Variants in TAS1R1 observed in about 807,000 individuals in gnomAD.
The protein encoded by TAS1R1 is taste receptor type 1 member 1.
In TAS1R1, 31 loss-of-function variants were observed where a neutral mutation model predicts 45.8. The observed-to-expected ratio is 0.68, with a 90% CI of 0.51 to 0.91. The LOEUF is 0.91. TAS1R1 is among the 40% of genes least tolerant of loss of function. TAS1R1 has a pLI of 0.00. For missense variants in TAS1R1, 1,051 were observed against 1,063.9 expected, an observed-to-expected ratio of 0.99 and a Z score of 0.17; for synonymous variants, 437 against 448.4, an observed-to-expected ratio of 0.97 and a Z score of 0.32.
At chr1:6,559,050 C>T (rs1430924419) in intron 1 of TAS1R1, among the ~76,000 whole-genome samples, 2 of 152,124 alleles carry the variant, frequency 1.3e-5, no homozygotes, top group Non-Finnish European at 2.9e-5. Context: ...CGCCACCACG[C>T]CCAGCTAATT....
intron 1 of TAS1R1, 37 bp from the exon 2 acceptor site, chr1:6,570,858 CTCAGCAGGCCTTTG>C: frequency 6.6e-7 from 1 of 1,514,784 alleles, no homozygotes; most frequent in Non-Finnish European, 8.9e-7. Context: ...GCCAGAGGGT[CTCAGCAGGCCTTTG>C]TCCTTCTCAG....
rs928366854 is a variant in TAS1R1 at position 6,577,684 on chromosome 1, C to T, written c.1594+614C>T. 2.7e-5 allele frequency among the ~76,000 whole-genome samples: 4 copies of T among 146,466 alleles called. No homozygotes were observed. The East Asian group carries it at 6.2e-4, about 23-fold the overall frequency. On this transcript the variant is annotated intron_variant, in intron 5 of 5. Transcript: ENST00000333172. Reference sequence around the variant, plus strand: ...TACTAAAAATACAAAAAAAGTTAGCCGGGCGTTGTGGCGTGTGCCTGTAAT... The same window carrying T: ...TACTAAAAATACAAAAAAAGTTAGCTGGGCGTTGTGGCGTGTGCCTGTAAT...
chr1:6,566,643 C>T (rs1166416336), intron 1 of TAS1R1, among the ~76,000 whole-genome samples: 1 of 152,034 alleles, frequency 6.6e-6, no homozygotes, highest in Non-Finnish European at 1.5e-5. Flanking sequence ...TTGCCCAGGC[C>T]AGACTGCAGT....
rs141176994 is a variant in TAS1R1 at position 6,557,410 on chromosome 1, C to T, written c.191+1846C>T. 9.6e-3 allele frequency among the ~76,000 whole-genome samples: 1,460 copies of T among 152,214 alleles called. 19 individuals carry two copies. Among genetic ancestry groups the T allele is most frequent in the Middle Eastern group, 0.065 (19 of 294 alleles). On this transcript the variant is annotated intron_variant, in intron 1 of 5. Coordinates refer to ENST00000333172, the MANE Select transcript of TAS1R1 (RefSeq NM_138697.4). ...GGCTGGAAAATGGAACAGGCTAGCA[C>T]ACTTTATGTATTTGTTTGTTTATTT...
In TAS1R1 at chr1:6,572,404, C is replaced by T. The variant is rs181998513; in HGVS notation, c.498+1189C>T. 2.9e-3 allele frequency among the ~76,000 whole-genome samples: 448 copies of T among 151,944 alleles called. 2 individuals carry two copies. Among genetic ancestry groups the T allele is most frequent in the African/African-American group, 0.01 (434 of 41,436 alleles). On this transcript the variant is annotated intron_variant, in intron 2 of 5. Coordinates refer to ENST00000333172, the MANE Select transcript of TAS1R1 (RefSeq NM_138697.4). The stretch of plus-strand genomic sequence containing the variant: ...ACTCCTAAGTAGCTGGGTCCACAGG[C>T]ATGTGCCACCATGCCTGGCTAATTT...
chr1:6,561,860 C>A (rs764983515), intron 1 of TAS1R1, among the ~76,000 whole-genome samples: 2 of 152,076 alleles, frequency 1.3e-5, no homozygotes, highest in Non-Finnish European at 2.9e-5. Context: ...AACACCAGGC[C>A]GTGGGGGCTA....
At chr1:6,557,044 C>A (rs1639699937) in intron 1 of TAS1R1, among the ~76,000 whole-genome samples, 1 of 145,912 alleles carries the variant, frequency 6.9e-6, no homozygotes, top group Non-Finnish European at 1.5e-5. Context: ...AAGACAGTTG[C>A]TTGCAGACTG....
rs1481269106 is a variant in TAS1R1, at chr1:6,555,342, T to C, written c.-32T>C. On this transcript the variant is annotated 5_prime_UTR_variant, in exon 1 of 6. Coordinates refer to ENST00000333172, the MANE Select transcript of TAS1R1 (RefSeq NM_138697.4). ...AACTGGCCTCCTTAGAGGCCACTCC[T>C]TGGCCATGCCAGGCGCGGGCATCTG... is the stretch of plus-strand genomic sequence containing the variant. 3 of 1,538,500 alleles carry C rather than the reference T, an allele frequency of 1.9e-6. No homozygotes were observed. The highest frequency in any genetic ancestry group is 2.6e-6 in the Non-Finnish European group (3 of 1,139,448).
rs1235820827 is a variant in TAS1R1, at chr1:6,577,048, T to C, written c.1572T>C (p.Ala524=). Residue 524 remains alanine, a synonymous_variant, in exon 5 of 6, where the codon GCT becomes GCC. Transcript: ENST00000333172. ...GCTTTGAGTGTGTGCCCTGTGGGGC[T>C]GGGACCTTCCTCAACAAGAGTGGTG... ...HCCFECVPCG[A]GTFLNKSDLY... 6 of 1,614,226 alleles carry C rather than the reference T, an allele frequency of 3.7e-6. No individual in the cohort carries two copies. Among genetic ancestry groups the C allele is most frequent in the Non-Finnish European group, 4.2e-6 (5 of 1,180,016 alleles).
chr1:6,555,581 C>G lies in TAS1R1; in HGVS notation c.191+17C>G. 1.3e-6 allele frequency: 2 copies of G among 1,538,186 alleles called. No individual in the cohort carries two copies. The highest frequency in any genetic ancestry group is 1.8e-6 in the Non-Finnish European group (2 of 1,136,888). ...GTGTGACAGGTGAGTGAGGGGCCAG[C>G]AGAGCCACACTTAGTGGGACCCCTG... On this transcript the variant is annotated intron_variant, in intron 1 of 5. Coordinates refer to ENST00000333172, the MANE Select transcript of TAS1R1 (RefSeq NM_138697.4).
In TAS1R1 at chr1:6,574,473, TGCCCCAGTGGA is replaced by T. The variant is rs1640102908; in HGVS notation, c.499-154_499-144del. On this transcript the variant is annotated intron_variant, in intron 2 of 5. Coordinates refer to ENST00000333172, the MANE Select transcript of TAS1R1 (RefSeq NM_138697.4). This position sits in a 1 kb window ranked among gnomAD's most constrained non-coding sequence, Gnocchi z 4.3. ...AGATTCCCACCCCTCCCCCAGAACC[TGCCCCAGTGGA>T]GCCTTCGCAGGTGATTTGTCAGTTT... Among the ~76,000 whole-genome samples the T allele has an allele frequency of 6.6e-6, 1 of 152,144 alleles. No individual in the cohort carries two copies. Among genetic ancestry groups the T allele is most frequent in the Non-Finnish European group, 1.5e-5 (1 of 68,008 alleles).
At chr1:6,576,776 A>G (rs749098738) in intron 4 of TAS1R1, 149 bp downstream of exon 4, 1 of 1,395,940 alleles carries the variant, frequency 7.2e-7, no homozygotes, top group Non-Finnish European at 9.8e-7. Context: ...GGAAGCAGGG[A>G]AGACACTCCG....
chr1:6,564,038 C>T (rs772435871), intron 1 of TAS1R1, among the ~76,000 whole-genome samples: 8 of 152,026 alleles, frequency 5.3e-5, no homozygotes, highest in African/African-American at 7.3e-5. Flanking sequence ...CCTTTAGGGA[C>T]GGGCATGAGG....
chr1:6,570,822 T>G (rs1639989860), intron 1 of TAS1R1, 87 bp from the exon 2 acceptor site: 1 of 1,292,150 alleles, frequency 7.7e-7, no homozygotes, highest in African/African-American at 1.5e-5. Flanking sequence ...AGGTTCCCTT[T>G]GCTCCCAAGC....
intron 2 of TAS1R1, among the ~76,000 whole-genome samples, chr1:6,572,711 C>T (rs772172144): frequency 2.6e-5 from 4 of 152,042 alleles, no homozygotes; most frequent in Admixed American, 6.6e-5. Context: ...GAGCAGGCTT[C>T]GCCCTCCTCT....
intron 1 of TAS1R1, among the ~76,000 whole-genome samples, chr1:6,564,960 G>A (rs543208261): frequency 7.4e-4 from 113 of 152,180 alleles, no homozygotes; most frequent in African/African-American, 2.3e-3. Flanking sequence ...CAGAATATAC[G>A]ACAGTTGGAG....
chr1:6,569,033 T>C (rs1639940924), intron 1 of TAS1R1, among the ~76,000 whole-genome samples: 1 of 151,656 alleles, frequency 6.6e-6, no homozygotes, highest in Admixed American at 6.6e-5. Context: ...AGGAGGCTGG[T>C]TGAGGGGCAT....
In TAS1R1 at chr1:6,575,212, CA is replaced by C; in HGVS notation, c.1082del (p.Asn361IlefsTer23). On this transcript the variant is annotated frameshift_variant, in exon 3 of 6. Transcript: ENST00000333172. LOFTEE classifies it high-confidence loss of function. Reference protein sequence around the residue: ...PCHKGSWCSSNQLCRECQAFM... With the variant: ...PCHKGSWCSSXQLCRECQAFM... ...GCCACAAGGGCTCCTGGTGCAGCAG[CA>C]ATCAGCTCTGCAGAGAATGCCAAGC... The C allele has an allele frequency of 6.2e-7, 1 of 1,612,680 alleles. No homozygotes were observed. The highest frequency in any genetic ancestry group is 1.1e-5 in the South Asian group (1 of 90,934).
chr1:6,558,710 C>T (rs1639728089), intron 1 of TAS1R1, among the ~76,000 whole-genome samples: 1 of 151,138 alleles, frequency 6.6e-6, no homozygotes, highest in African/African-American at 2.4e-5. Flanking sequence ...TCCAGCGAGA[C>T]TCAGTCTAAA....
Sources: allele counts gnomAD v4.1 joint callset (sites outside exome capture counted in the v4.1 genomes callset), GRCh38; gene constraint gnomAD v4.1.1; non-coding constraint Gnocchi (gnomAD v3.1); transcripts MANE v1.5; gene names NCBI Gene and HGNC (gene_info 2026-07-23, HGNC 2026-07-21).